The following IL33 variants were observed in gnomAD, a reference collection of about 807,000 sequenced individuals.
IL33 encodes interleukin 33.
IL33 carries 37 observed loss-of-function variants against 27.3 expected under a neutral mutation model. The observed-to-expected ratio is 1.36, with a 90% CI of 1.04 to 1.78. The LOEUF (loss-of-function observed/expected upper bound fraction) is 1.78. Among genes scored for constraint, IL33 ranks in the 40% most tolerant of loss-of-function variants. The probability of loss-of-function intolerance (pLI) is 0.00; values close to 1 mark genes in which losing one functional copy is unlikely to be tolerated. For synonymous variants in IL33, 132 were observed against 102.9 expected (o/e 1.28, Z -1.71); for missense variants, 406 against 311.4 (o/e 1.30, Z -2.29).
rs10975495 is a variant in IL33, at chr9:6,223,819, G to A, written c.-12+7967G>A. On this transcript the variant is annotated intron_variant, in intron 1 of 7. Coordinates refer to ENST00000682010, the MANE Select transcript of IL33 (RefSeq NM_033439.4). ...TGCTCGCTTAATCAGAAGTTTCGTC[G>A]GGCAGTTTCAGAGTTGGTGTCAAAA... 5.8e-4 allele frequency among the ~76,000 whole-genome samples: 88 copies of A among 152,176 alleles called. No homozygotes were observed. The East Asian group carries it at 0.017, about 29-fold the overall frequency.
chr9:6,245,052 C>T (rs1157475684), intron 2 of IL33, among the ~76,000 whole-genome samples: 3 of 152,194 alleles, frequency 2.0e-5, no homozygotes, highest in Non-Finnish European at 4.4e-5. Flanking sequence ...TACTTCCCTA[C>T]TTCCCAGGGT....
At chr9:6,245,813 A>C (rs1407611959) in intron 2 of IL33, among the ~76,000 whole-genome samples, 2 of 152,194 alleles carry the variant, frequency 1.3e-5, no homozygotes, top group Non-Finnish European at 2.9e-5. Flanking sequence ...CTGTAATCCC[A>C]GAACTTTGGG....
intron 1 of IL33, among the ~76,000 whole-genome samples, chr9:6,228,171 T>G (rs1234435784): frequency 6.6e-6 from 1 of 152,140 alleles, no homozygotes. Context: ...ACAGGAGAGC[T>G]AGGCATGGTG....
chr9:6,252,987 G>A lies in IL33; in HGVS notation c.465G>A (p.Lys155=), dbSNP rs1406956724. The change falls in exon 5 of 8, where the codon AAG becomes AAA. Residue 155 remains lysine (K), a synonymous_variant. Transcript: ENST00000682010. The part of the protein sequence containing the change: ...IYVEDLKKDE[K]KDKVLLSYYE... ...TTGAAGACTTGAAAAAAGATGAAAA[G>A]AAAGGTAGATTATTTTCTTTTTCTA... 5 of 1,509,722 alleles carry A rather than the reference G, an allele frequency of 3.3e-6. No homozygotes were observed. In the East Asian group the frequency reaches 6.8e-5, roughly 21 times the overall value. 93.5% of individuals were successfully genotyped at this position (1,509,722 alleles called of 1,614,324 possible).
chr9:6,237,479 G>C (rs962933640), intron 1 of IL33, among the ~76,000 whole-genome samples: 4 of 152,040 alleles, frequency 2.6e-5, no homozygotes, highest in African/African-American at 9.7e-5. Flanking sequence ...TCTCTATCTT[G>C]CTCAATTATA....
rs141054998 is a variant in IL33 at position 6,233,766 on chromosome 9, G to T, written c.-11-7918G>T. Among the ~76,000 whole-genome samples the T allele has an allele frequency of 3.9e-5, 6 of 152,230 alleles. No homozygotes were observed. In the East Asian group the frequency reaches 1.2e-3, roughly 29 times the overall value. On this transcript the variant is annotated intron_variant, in intron 1 of 7. Transcript: ENST00000682010. ...CAGAGACATCAAGCAACTTGTCCAAGGTCACCTAGCTAGTAAGTAGCATCT... is the reference window on the plus strand; with the variant it reads ...CAGAGACATCAAGCAACTTGTCCAATGTCACCTAGCTAGTAAGTAGCATCT...
chr9:6,219,467 G>A (rs1479753317), intron 1 of IL33, among the ~76,000 whole-genome samples: 4 of 152,220 alleles, frequency 2.6e-5, no homozygotes, highest in African/African-American at 9.6e-5. Flanking sequence ...GTATACCTAC[G>A]AAGGTATTTA....
intron 1 of IL33, among the ~76,000 whole-genome samples, chr9:6,240,962 C>A (rs565040026): frequency 6.6e-6 from 1 of 151,872 alleles, no homozygotes; most frequent in South Asian, 2.1e-4. Flanking sequence ...TAATTTTTTA[C>A]TTTTTACGCT....
intron 1 of IL33, among the ~76,000 whole-genome samples, chr9:6,232,557 C>T (rs1178690980): frequency 6.6e-6 from 1 of 152,086 alleles, no homozygotes; most frequent in African/African-American, 2.4e-5. Context: ...GCACTATTTC[C>T]TATGATTATC....
intron 3 of IL33, among the ~76,000 whole-genome samples, 188 bp from the exon 4 acceptor site, chr9:6,250,950 ATC>A (rs1488245629): frequency 5.3e-5 from 8 of 152,064 alleles, no homozygotes; most frequent in African/African-American, 1.4e-4. Flanking sequence ...CTTCCTCCTG[ATC>A]TCTAATGAGT....
At chr9:6,232,233 C>T (rs1017482656) in intron 1 of IL33, among the ~76,000 whole-genome samples, 3 of 152,076 alleles carry the variant, frequency 2.0e-5, no homozygotes, top group Non-Finnish European at 4.4e-5. Context: ...ATACATAGTC[C>T]TTGGCATGCA....
rs1377746758 is a variant in IL33 at position 6,257,523 on chromosome 9, A to G, written c.*1355A>G. 1 of 152,628 alleles carries G rather than the reference A, an allele frequency of 6.6e-6. No individual in the cohort carries two copies. Among genetic ancestry groups the G allele is most frequent in the Admixed American group, 6.5e-5 (1 of 15,270 alleles). 9.5% of individuals were successfully genotyped at this position (152,628 alleles called of 1,614,324 possible). On this transcript the variant is annotated 3_prime_UTR_variant, in exon 8 of 8. Coordinates refer to ENST00000682010, the MANE Select transcript of IL33 (RefSeq NM_033439.4). ...CACTAGGGCAATAAAATTTATACTC[A>G]ACCATATAATAACATTTTTTAACTA...
intron 7 of IL33, among the ~76,000 whole-genome samples, chr9:6,255,710 C>G (rs1353613441): frequency 6.6e-6 from 1 of 152,086 alleles, no homozygotes; most frequent in Non-Finnish European, 1.5e-5. Context: ...AAATCCAGAA[C>G]TGTTGCATCC....
chr9:6,217,174 G>A (rs561450300), intron 1 of IL33, among the ~76,000 whole-genome samples: 1 of 152,220 alleles, frequency 6.6e-6, no homozygotes, highest in East Asian at 1.9e-4. Flanking sequence ...CATCAGAAAT[G>A]CAAAAGCCTG....
rs374010821 is a variant in IL33 at position 6,251,222 on chromosome 9, G to A, written c.300G>A (p.Gly100=). 2.5e-6 allele frequency: 4 copies of A among 1,613,694 alleles called. No homozygotes were observed. The African/African-American group carries it at 4.0e-5, about 16-fold the overall frequency. The part of the protein sequence containing the change: ...TVECFAFGIS[G]VQKYTRALHD... ...AGTGCTTTGCCTTTGGTATATCAGGGGTCCAGAAATATACTAGAGCACTTC... is the reference window on the plus strand; with the variant it reads ...AGTGCTTTGCCTTTGGTATATCAGGAGTCCAGAAATATACTAGAGCACTTC... Residue 100 remains glycine, a synonymous_variant, in exon 4 of 8, where the codon GGG becomes GGA. Transcript: ENST00000682010.
chr9:6,239,001 T>C (rs1347354783), intron 1 of IL33, among the ~76,000 whole-genome samples: 2 of 152,088 alleles, frequency 1.3e-5, no homozygotes, highest in Non-Finnish European at 2.9e-5. Context: ...TTGAATCAAG[T>C]ATTAAATTGG....
Position 6,250,457 on chromosome 9 carries a change from G to GC in IL33, c.92-17_92-16insC. ...TGAATGGAATGAAACAGTCTCACAA[G>GC]TTTTTCAATTGTTTAGAATCCCAAC... On this transcript the variant is annotated splice_polypyrimidine_tract_variant and intron_variant, in intron 2 of 7. Coordinates refer to ENST00000682010, the MANE Select transcript of IL33 (RefSeq NM_033439.4). 3 of 1,610,364 alleles carry GC rather than the reference G, an allele frequency of 1.9e-6. No homozygotes were observed. Among genetic ancestry groups the GC allele is most frequent in the Non-Finnish European group, 2.5e-6 (3 of 1,178,540 alleles).
intron 1 of IL33, among the ~76,000 whole-genome samples, chr9:6,230,068 G>T (rs1325241340): frequency 6.6e-6 from 1 of 152,162 alleles, no homozygotes; most frequent in Non-Finnish European, 1.5e-5. Flanking sequence ...AGAGTATGGA[G>T]GGAGGGGTAA....
At chr9:6,249,117 G>A (rs902240851) in intron 2 of IL33, among the ~76,000 whole-genome samples, 5 of 152,174 alleles carry the variant, frequency 3.3e-5, no homozygotes, top group Admixed American at 2.0e-4. Flanking sequence ...ATGGTAGAGA[G>A]TTCTAGAGTG....
Sources: gnomAD v4.1 joint callset for allele counts (sites outside exome capture counted in the v4.1 genomes callset) on GRCh38, gnomAD v4.1.1 for gene constraint, MANE v1.5 for transcripts, NCBI Gene and HGNC (gene_info 2026-07-23, HGNC 2026-07-21) for gene names.